EPHA4: variants seen among roughly 807,000 people sequenced by gnomAD.
The protein encoded by EPHA4 is EPH receptor A4.
Under a neutral mutation model 108.3 loss-of-function variants are expected in EPHA4, and 19 were observed. The ratio of observed to expected loss-of-function variants is 0.18; its 90% CI spans 0.12 to 0.26. The LOEUF (loss-of-function observed/expected upper bound fraction) is 0.26. Ranked by LOEUF, EPHA4 falls within the 10% of genes least tolerant of loss-of-function variation. The pLI is 1.00. For synonymous variants in EPHA4, 449 were observed against 455.5 expected (o/e 0.99, Z 0.18); for missense variants, 917 against 1,254.0 (o/e 0.73, Z 4.06).
intron 3 of EPHA4, among the ~76,000 whole-genome samples, chr2:221,529,225 C>A (rs1693430133): frequency 6.6e-6 from 1 of 152,028 alleles, no homozygotes; most frequent in African/African-American, 2.4e-5. Flanking sequence ...AGTGAAAGCA[C>A]TGAAAAATTC....
At chr2:221,504,217 G>A (rs146732837) in intron 3 of EPHA4, among the ~76,000 whole-genome samples, 52 of 152,282 alleles carry the variant, frequency 3.4e-4, no homozygotes, top group African/African-American at 1.0e-3. Context: ...CTGAATGGGT[G>A]TCTTACTTGA....
At position 221,571,044 on chromosome 2, in the gene EPHA4, C is replaced by A. The variant is rs1244573999; in HGVS notation, c.91+1114G>T. 6.6e-6 allele frequency among the ~76,000 whole-genome samples: 1 copy of A among 152,200 alleles called. No individual in the cohort carries two copies. Among genetic ancestry groups the A allele is most frequent in the Non-Finnish European group, 1.5e-5 (1 of 68,032 alleles). Reference sequence around the variant, plus strand: ...CAGAGCACGAGCATACACTCGAACACACGCGCACACACTCAGGACATCTGC... The same window carrying A: ...CAGAGCACGAGCATACACTCGAACAAACGCGCACACACTCAGGACATCTGC... On this transcript the variant is annotated intron_variant, in intron 1 of 17. Coordinates refer to ENST00000281821, the MANE Select transcript of EPHA4 (RefSeq NM_004438.5). The surrounding 1 kb of genome is among the most constrained non-coding windows in gnomAD (Gnocchi z 6.3).
At chr2:221,480,581 A>G (rs1302136723) in intron 5 of EPHA4, among the ~76,000 whole-genome samples, 1 of 152,198 alleles carries the variant, frequency 6.6e-6, no homozygotes, top group Non-Finnish European at 1.5e-5. Context: ...TCATGTTTCT[A>G]TCAAAAACTC....
At chr2:221,570,965 G>A (rs76007988) in intron 1 of EPHA4, among the ~76,000 whole-genome samples, 1 of 152,196 alleles carries the variant, frequency 6.6e-6, no homozygotes, top group Non-Finnish European at 1.5e-5. Context: ...AGAAGAATGA[G>A]AGACGGATGT....
At chr2:221,543,559 C>T (rs1237300532) in intron 3 of EPHA4, among the ~76,000 whole-genome samples, 2 of 152,154 alleles carry the variant, frequency 1.3e-5, no homozygotes, top group Non-Finnish European at 2.9e-5. Flanking sequence ...AATAAGTTCG[C>T]TTCAACATGG....
intron 11 of EPHA4, among the ~76,000 whole-genome samples, chr2:221,442,461 G>C (rs575653756): frequency 2.0e-5 from 3 of 151,970 alleles, no homozygotes; most frequent in African/African-American, 7.2e-5. Flanking sequence ...CCAGCACAAG[G>C]TGTGGCCAGG....
At chr2:221,555,905 T>C (rs1694290333) in intron 3 of EPHA4, among the ~76,000 whole-genome samples, 1 of 152,176 alleles carries the variant, frequency 6.6e-6, no homozygotes, top group Non-Finnish European at 1.5e-5. Flanking sequence ...ACTACCTAAG[T>C]CTCCCAGATT....
chr2:221,568,699 A>C lies in EPHA4; in HGVS notation c.159+19T>G. ...ACTCCTTTTTTACCCTTTGGATCAG[A>C]GAGCAACTCAGGACTTACCCCTCCT... is the stretch of plus-strand genomic sequence containing the variant. On this transcript the variant is annotated intron_variant, in intron 2 of 17. Coordinates refer to ENST00000281821, the MANE Select transcript of EPHA4 (RefSeq NM_004438.5). 6.2e-7 allele frequency: 1 copy of C among 1,607,158 alleles called. No homozygotes were observed. The highest frequency in any genetic ancestry group is 1.1e-5 in the South Asian group (1 of 89,828).
upstream of EPHA4, chr2:221,572,333 T>G: frequency 7.9e-7 from 1 of 1,265,238 alleles, no homozygotes. Flanking sequence ...GCTGAAGACA[T>G]TGCCAAGGGG....
rs572708457 is a variant in EPHA4 at position 221,426,362 on chromosome 2, AT to A, written c.2846+101del. 126 of 1,387,222 alleles carry A rather than the reference AT, an allele frequency of 9.1e-5. 2 individuals are homozygous for A. The African/African-American group carries it at 1.4e-3, about 15-fold the overall frequency. The allele number at this position is 1,387,222 out of a possible 1,614,324, so 85.9% of individuals were successfully genotyped here. ...TCAATCAAAATGAGAGGCATTCCAG[AT>A]TTTTTTTAAATGAGTAGGATGATTA... On this transcript the variant is annotated intron_variant, in intron 16 of 17. Coordinates refer to ENST00000281821, the MANE Select transcript of EPHA4 (RefSeq NM_004438.5).
chr2:221,547,777 T>C (rs1332129573), intron 3 of EPHA4, among the ~76,000 whole-genome samples: 2 of 152,194 alleles, frequency 1.3e-5, no homozygotes, highest in South Asian at 2.1e-4. Context: ...TGGGTTCAAA[T>C]TGTCAAGCAG....
At chr2:221,529,903 G>A (rs1693456012) in intron 3 of EPHA4, among the ~76,000 whole-genome samples, 1 of 152,146 alleles carries the variant, frequency 6.6e-6, no homozygotes, top group African/African-American at 2.4e-5. Flanking sequence ...CAGAAAAAGG[G>A]CTCTCTTGTG....
chr2:221,459,943 G>A (rs1027787104), intron 5 of EPHA4, among the ~76,000 whole-genome samples: 1 of 152,138 alleles, frequency 6.6e-6, no homozygotes, highest in Non-Finnish European at 1.5e-5. Flanking sequence ...TTGCCTGCCT[G>A]CCCTTGGAGT....
At chr2:221,569,772 C>T (rs1225870135) in intron 1 of EPHA4, among the ~76,000 whole-genome samples, 1 of 152,136 alleles carries the variant, frequency 6.6e-6, no homozygotes, top group Non-Finnish European at 1.5e-5. Flanking sequence ...TGGGAAGCCG[C>T]CATCCGTGCT....
chr2:221,482,550 G>C lies in EPHA4; in HGVS notation c.1120C>G (p.Pro374Ala), dbSNP rs763670422. 6.2e-7 allele frequency: 1 copy of C among 1,614,024 alleles called. No individual in the cohort carries two copies. The highest frequency in any genetic ancestry group is 1.7e-5 in the Admixed American group (1 of 60,018). The stretch of plus-strand genomic sequence containing the variant: ...CTTCCACAGGGTCGGCACTTGCTGG[G>C]GTCACCAGCTCCACATTTCTTGCAT... ...VVCKKCGAGDPSKCRPCGSGV... is the reference protein window; with the variant it reads ...VVCKKCGAGDASKCRPCGSGV... Residue 374 changes from proline (P) to alanine (A), a missense_variant, in exon 5 of 18, where the codon CCC becomes GCC. Pro to Ala is a conservative substitution (Grantham distance 27). Coordinates refer to ENST00000281821, the MANE Select transcript of EPHA4 (RefSeq NM_004438.5).
In EPHA4 at chr2:221,434,302, T is replaced by C. The variant is rs754680429; in HGVS notation, c.2347-11A>G. Reference sequence around the variant, plus strand: ...AGGAATCTTGCCACCCTGTGAACATTTGAGCCATAAGTTATTCCTTAAGTA... The same window carrying C: ...AGGAATCTTGCCACCCTGTGAACATCTGAGCCATAAGTTATTCCTTAAGTA... On this transcript the variant is annotated splice_polypyrimidine_tract_variant and intron_variant, in intron 13 of 17. Coordinates refer to ENST00000281821, the MANE Select transcript of EPHA4 (RefSeq NM_004438.5). 6.2e-7 allele frequency: 1 copy of C among 1,613,368 alleles called. No individual in the cohort carries two copies. Among genetic ancestry groups the C allele is most frequent in the Non-Finnish European group, 8.5e-7 (1 of 1,179,668 alleles).
chr2:221,434,290 C>A lies in EPHA4; in HGVS notation c.2348G>T (p.Gly783Val). 2 of 1,613,644 alleles carry A rather than the reference C, an allele frequency of 1.2e-6. No individual in the cohort carries two copies. The highest frequency in any genetic ancestry group is 8.5e-7 in the Non-Finnish European group (1 of 1,179,806). Residue 783 changes from glycine to valine, a missense_variant and splice_region_variant, in exon 14 of 18, where the codon GGT becomes GTT. Gly to Val is a moderately radical substitution (Grantham distance 109). Coordinates refer to ENST00000281821, the MANE Select transcript of EPHA4 (RefSeq NM_004438.5). ...DDPEAAYTTR[G>V]GKIPIRWTAP... Reference sequence around the variant, plus strand: ...AGTCCACCGGATAGGAATCTTGCCACCCTGTGAACATTTGAGCCATAAGTT... The same window carrying A: ...AGTCCACCGGATAGGAATCTTGCCAACCTGTGAACATTTGAGCCATAAGTT...
intron 4 of EPHA4, among the ~76,000 whole-genome samples, chr2:221,485,932 G>T (rs1378981076): frequency 6.6e-6 from 1 of 152,126 alleles, no homozygotes; most frequent in East Asian, 1.9e-4. Context: ...CTGGTATTCT[G>T]AGTAATCTGA....
intron 5 of EPHA4, among the ~76,000 whole-genome samples, chr2:221,481,349 A>T: frequency 1.1e-4 from 1 of 9,478 alleles, no homozygotes; most frequent in African/African-American, 4.4e-4. Context: ...CCCAGCCCCC[A>T]CGTCAATCAA....
Sources: gnomAD v4.1 joint callset for allele counts (sites outside exome capture counted in the v4.1 genomes callset) on GRCh38, gnomAD v4.1.1 for gene constraint, Gnocchi (gnomAD v3.1) non-coding constraint, MANE v1.5 for transcripts, NCBI Gene and HGNC (gene_info 2026-07-23, HGNC 2026-07-21) for gene names.